The following PCDHGA10 variants were observed in gnomAD, a reference collection of about 807,000 sequenced individuals.
PCDHGA10 encodes protocadherin gamma subfamily A, 10.
Under a neutral mutation model 59.5 loss-of-function variants are expected in PCDHGA10, and 42 were observed. The ratio of observed to expected loss-of-function variants is 0.71; its 90% CI spans 0.55 to 0.91. The LOEUF (loss-of-function observed/expected upper bound fraction) is 0.91. Among genes scored for constraint, PCDHGA10 ranks in the 40% least tolerant of loss-of-function variants. PCDHGA10 has a pLI of 0.00. For missense variants in PCDHGA10, 1,111 were observed against 1,198.2 expected (o/e 0.93, Z 1.07); for synonymous variants, 511 against 517.2 (o/e 0.99, Z 0.16).
At chr5:141,494,524 C>T (rs2099754936) in intron 1 of PCDHGA10, among the ~76,000 whole-genome samples, 1 of 152,156 alleles carries the variant, frequency 6.6e-6, no homozygotes, top group African/African-American at 2.4e-5. Flanking sequence ...GGAGTTCTGA[C>T]TCTGGGGGCA....
At chr5:141,427,857 G>T (rs746661329) in intron 1 of PCDHGA10, 2 of 1,554,576 alleles carry the variant, frequency 1.3e-6, no homozygotes, top group Admixed American at 3.3e-5. Flanking sequence ...GCAGCTGTGC[G>T]CCTTCGAGCT....
chr5:141,478,668 T>G (rs1411369994), intron 1 of PCDHGA10: 40 of 1,551,660 alleles, frequency 2.6e-5, no homozygotes, highest in Non-Finnish European at 3.4e-5. Flanking sequence ...CATTCACACT[T>G]TCAACTGGCC....
At position 141,511,436 on chromosome 5, in the gene PCDHGA10, T is replaced by C. The variant is rs1371734719; in HGVS notation, c.*263T>C. The C allele has an allele frequency of 1.5e-5, 11 of 718,486 alleles. No individual in the cohort carries two copies. The highest frequency in any genetic ancestry group is 2.2e-5 in the Non-Finnish European group (10 of 461,474). The allele number at this position is 718,486 out of a possible 1,614,324, so 44.5% of individuals were successfully genotyped here. The stretch of plus-strand genomic sequence containing the variant: ...ACCCATGGGGGTAGTGGGGTTACTG[T>C]AGACACCAAGAACCATTTGCCACAC... On this transcript the variant is annotated 3_prime_UTR_variant, in exon 4 of 4. Coordinates refer to ENST00000398610, the MANE Select transcript of PCDHGA10 (RefSeq NM_018913.3).
rs1554175372 is a variant in PCDHGA10, at chr5:141,490,827, G to A, written c.2437-3980G>A. ...CCTTTGACTATGAATTGCTGCAGAT[G>A]CTGCAGATTGTGGTGGGGGTTCGAG... On this transcript the variant is annotated intron_variant, in intron 1 of 3. Transcript: ENST00000398610. This position sits in a 1 kb window ranked among gnomAD's most constrained non-coding sequence, Gnocchi z 5.4. 1 of 1,613,744 alleles carries A rather than the reference G, an allele frequency of 6.2e-7. No individual in the cohort carries two copies. Among genetic ancestry groups the A allele is most frequent in the Non-Finnish European group, 8.5e-7 (1 of 1,179,828 alleles).
In PCDHGA10 at chr5:141,462,383, G is replaced by A. The variant is rs78537075; in HGVS notation, c.2437-32424G>A. Among the ~76,000 whole-genome samples the A allele has an allele frequency of 5.6e-4, 85 of 151,920 alleles. 1 individual carries two copies. In the East Asian group the frequency reaches 0.016, roughly 29 times the overall value. ...GTATAGTTTCTATTCTTTTAAATTC[G>A]TTAACATTTCTTTTATGGCACAGAA... On this transcript the variant is annotated intron_variant, in intron 1 of 3. Transcript: ENST00000398610.
At chr5:141,488,913 A>G (rs887938731) in intron 1 of PCDHGA10, among the ~76,000 whole-genome samples, 4 of 152,196 alleles carry the variant, frequency 2.6e-5, no homozygotes, top group African/African-American at 7.2e-5. Flanking sequence ...TGTGTTCCCA[A>G]GGTTTCCAGG....
intron 1 of PCDHGA10, among the ~76,000 whole-genome samples, chr5:141,451,403 G>A (rs2154563571): frequency 6.6e-6 from 1 of 152,288 alleles, no homozygotes; most frequent in South Asian, 2.1e-4. Context: ...GCAAAATTAA[G>A]TTCCTTGTGG....
intron 1 of PCDHGA10, chr5:141,441,637 C>T (rs1200679247): frequency 4.4e-6 from 1 of 228,574 alleles, no homozygotes; most frequent in South Asian, 4.8e-5. Context: ...GAGCCACAGG[C>T]GCTGTGATTC....
Position 141,413,295 on chromosome 5 carries a change from T to C in PCDHGA10, c.120T>C (p.Pro40=). 6.2e-7 allele frequency: 1 copy of C among 1,613,940 alleles called. No individual in the cohort carries two copies. The highest frequency in any genetic ancestry group is 1.7e-4 in the Middle Eastern group (1 of 6,056). Residue 40 remains proline (P), a synonymous_variant, in exon 1 of 4, where the codon CCT becomes CCC. Transcript: ENST00000398610. ...CCCGGCAGATCTCCTACTCAATTCC[T>C]GAGGAATTAGAGAAAGGCTCTTTCG... The part of the protein sequence containing the change: ...AGARQISYSI[P]EELEKGSFVG...
chr5:141,413,717 A>C lies in PCDHGA10; in HGVS notation c.542A>C (p.His181Pro). Residue 181 changes from histidine (H) to proline (P), a missense_variant, in exon 1 of 4, where the codon CAC becomes CCC. Physicochemically the swap from His to Pro is moderately conservative, Grantham distance 77. Transcript: ENST00000398610. ...AGCTATCAGCTCAGCCCCAATAAGC[A>C]CTTCTCCCTAAGAGTTCAGAGCCGT... The part of the protein sequence containing the change: ...LQSYQLSPNK[H>P]FSLRVQSRAN... 1 of 1,613,382 alleles carries C rather than the reference A, an allele frequency of 6.2e-7. No individual in the cohort carries two copies. The highest frequency in any genetic ancestry group is 8.5e-7 in the Non-Finnish European group (1 of 1,179,860).
chr5:141,491,802 G>C lies in PCDHGA10; in HGVS notation c.2437-3005G>C, dbSNP rs759587995. 1 of 1,497,480 alleles carries C rather than the reference G, an allele frequency of 6.7e-7. No homozygotes were observed. The highest frequency in any genetic ancestry group is 1.3e-5 in the South Asian group (1 of 74,938). The allele number at this position is 1,497,480 out of a possible 1,614,324, so 92.8% of individuals were successfully genotyped here. A position where few individuals can be genotyped will look rare whatever the true frequency, so the allele number is the denominator to read the frequency against. On this transcript the variant is annotated intron_variant, in intron 1 of 3. Coordinates refer to ENST00000398610, the MANE Select transcript of PCDHGA10 (RefSeq NM_018913.3). The surrounding 1 kb of genome is among the most constrained non-coding windows in gnomAD (Gnocchi z 6.9). ...ACTTGCATCCACTCCTCTCCGGCCG[G>C]CTTGGTCGCTGGCTGCGCTCCACCC...
chr5:141,434,667 G>T (rs1464226862), intron 1 of PCDHGA10, among the ~76,000 whole-genome samples: 3 of 152,074 alleles, frequency 2.0e-5, no homozygotes, highest in East Asian at 3.9e-4. Context: ...CTATAGAAAT[G>T]ATGCTAATGA....
At chr5:141,451,610 G>T (rs184745360) in intron 1 of PCDHGA10, among the ~76,000 whole-genome samples, 60 of 152,298 alleles carry the variant, frequency 3.9e-4, no homozygotes, top group African/African-American at 1.3e-3. Context: ...GGCTAGGCAT[G>T]GTGGCTCAAA....
At chr5:141,465,094 GT>G (rs138941665) in intron 1 of PCDHGA10, among the ~76,000 whole-genome samples, 203 of 148,178 alleles carry the variant, frequency 1.4e-3, no homozygotes, top group Admixed American at 7.3e-3. Context: ...TTTTCTAGTA[GT>G]TTTTTTTTTA....
At position 141,511,124 on chromosome 5, in the gene PCDHGA10, C is replaced by G; in HGVS notation, c.2762C>G (p.Ala921Gly). 1.9e-6 allele frequency: 3 copies of G among 1,614,206 alleles called. No individual in the cohort carries two copies. Among genetic ancestry groups the G allele is most frequent in the Non-Finnish European group, 2.5e-6 (3 of 1,180,022 alleles). The change falls in exon 4 of 4, where the codon GCA (alanine) becomes GGA (glycine). Residue 921 changes from alanine to glycine, a missense_variant. Transcript: ENST00000398610. ...AAGKRDGKAP[A>G]GGNGNKKKSG... ...GGCAAGCGGGATGGCAAGGCCCCAG[C>G]AGGTGGCAATGGCAACAAGAAGAAG...
intron 1 of PCDHGA10, among the ~76,000 whole-genome samples, chr5:141,483,525 A>G (rs1442825090): frequency 1.3e-5 from 2 of 152,126 alleles, no homozygotes; most frequent in African/African-American, 4.8e-5. Context: ...ATCCTGACTA[A>G]GGAAGCTGGG....
chr5:141,456,872 A>C (rs1003618586), intron 1 of PCDHGA10, among the ~76,000 whole-genome samples: 2 of 152,152 alleles, frequency 1.3e-5, no homozygotes, highest in African/African-American at 4.8e-5. Context: ...CTGAGGCAGG[A>C]GAATCGCTTG....
intron 1 of PCDHGA10, among the ~76,000 whole-genome samples, chr5:141,443,696 T>C (rs1293017505): frequency 6.6e-6 from 1 of 152,308 alleles, no homozygotes; most frequent in Admixed American, 6.5e-5. Context: ...TCAAAAATTA[T>C]AGAATAACAT....
chr5:141,491,529 G>C lies in PCDHGA10; in HGVS notation c.2437-3278G>C. 1 of 1,614,040 alleles carries C rather than the reference G, an allele frequency of 6.2e-7. No individual in the cohort carries two copies. The highest frequency in any genetic ancestry group is 1.1e-5 in the South Asian group (1 of 91,080). On this transcript the variant is annotated intron_variant, in intron 1 of 3. Coordinates refer to ENST00000398610, the MANE Select transcript of PCDHGA10 (RefSeq NM_018913.3). The surrounding 1 kb of genome is among the most constrained non-coding windows in gnomAD (Gnocchi z 6.9). ...GCACGCTCAAGTACATGGAGGTGACGCTGCGGCCCACAGACTCGCAGAGCC... is the reference window on the plus strand; with the variant it reads ...GCACGCTCAAGTACATGGAGGTGACCCTGCGGCCCACAGACTCGCAGAGCC...
Sources: allele counts gnomAD v4.1 joint callset (sites outside exome capture counted in the v4.1 genomes callset), GRCh38; gene constraint gnomAD v4.1.1; non-coding constraint Gnocchi (gnomAD v3.1); transcripts MANE v1.5; gene names NCBI Gene and HGNC (gene_info 2026-07-23, HGNC 2026-07-21).